EPYC: variants seen among roughly 807,000 people sequenced by gnomAD.
EPYC encodes the protein epiphycan.
A neutral mutation model predicts 30.1 loss-of-function variants in EPYC; 28 were observed. The observed-to-expected ratio is 0.93, with a 90% confidence interval of 0.69 to 1.28. EPYC has a LOEUF of 1.28. EPYC is among the 50% of genes most tolerant of loss of function. The pLI is 0.00. For synonymous variants in EPYC, 144 were observed against 141.4 expected (o/e 1.02, Z -0.13); for missense variants, 382 against 383.5 (o/e 1.00, Z 0.03).
chr12:90,998,491 A>G (rs1877747905), intron 2 of EPYC, among the ~76,000 whole-genome samples: 1 of 152,094 alleles, frequency 6.6e-6, no homozygotes, highest in Admixed American at 6.6e-5. Context: ...TCAAACACAA[A>G]TAATTTAATG....
chr12:90,987,037 G>A (rs893670147), intron 2 of EPYC, among the ~76,000 whole-genome samples: 2 of 152,084 alleles, frequency 1.3e-5, no homozygotes, highest in South Asian at 4.1e-4. Flanking sequence ...TTAAATGATT[G>A]TTTTGTGTAT....
At chr12:90,972,763 T>TA in intron 4 of EPYC, 59 bp downstream of exon 4, 1 of 1,425,292 alleles carries the variant, frequency 7.0e-7, no homozygotes, top group Non-Finnish European at 9.5e-7. Context: ...CATTTAACAA[T>TA]GTAAAAATTT....
In EPYC at chr12:90,964,303, G is replaced by C. The variant is rs142875982; in HGVS notation, c.822C>G (p.His274Gln). ...TTTTAACATTGCAGAACGTATCTTC[G>C]TGCATTTCCAGAATGTTGTTATTCT... The part of the protein sequence containing the change: ...HLQNNNILEM[H>Q]EDTFCNVKNL... Residue 274 changes from histidine to glutamine, a missense_variant, in exon 7 of 7, where the codon CAC (histidine) becomes CAG (glutamine). By Grantham distance (24) the His-to-Gln change is conservative (BLOSUM62 0). Transcript: ENST00000261172. 1.4e-5 allele frequency: 23 copies of C among 1,607,010 alleles called. No homozygotes were observed. The African/African-American group carries it at 1.7e-4, about 12-fold the overall frequency.
intron 2 of EPYC, among the ~76,000 whole-genome samples, chr12:90,991,941 T>A (rs186668394): frequency 3.9e-5 from 6 of 152,216 alleles, no homozygotes; most frequent in Admixed American, 3.9e-4. Flanking sequence ...ATGTGGTAAG[T>A]TTTTTACTAG....
At chr12:90,988,455 A>G (rs1240006381) in intron 2 of EPYC, among the ~76,000 whole-genome samples, 1 of 152,162 alleles carries the variant, frequency 6.6e-6, no homozygotes, top group Non-Finnish European at 1.5e-5. Context: ...AAAATGAACC[A>G]TTCAGTCCAG....
intron 6 of EPYC, 148 bp downstream of exon 6, chr12:90,969,896 G>C (rs1270476635): frequency 1.5e-6 from 1 of 646,662 alleles, no homozygotes; most frequent in Non-Finnish European, 2.8e-6. Flanking sequence ...CTCAGATAAA[G>C]AGAGAGAATA....
At chr12:90,964,407 C>G in intron 6 of EPYC, 81 bp from the exon 7 acceptor site, 1 of 980,924 alleles carries the variant, frequency 1.0e-6, no homozygotes. Flanking sequence ...TGTGCTTCAC[C>G]CTTGTTTTTA....
intron 2 of EPYC, among the ~76,000 whole-genome samples, chr12:90,996,892 G>T (rs143499201): frequency 1.3e-5 from 2 of 151,858 alleles, no homozygotes; most frequent in South Asian, 2.1e-4. Context: ...AACAACATAT[G>T]GTAATACTTT....
At chr12:91,000,588 AT>A (rs550297858) in intron 2 of EPYC, among the ~76,000 whole-genome samples, 3 of 151,018 alleles carry the variant, frequency 2.0e-5, no homozygotes, top group East Asian at 2.0e-4. Flanking sequence ...CCCAAACAGC[AT>A]TTTTTTTTCT....
intron 5 of EPYC, among the ~76,000 whole-genome samples, chr12:90,971,163 A>G (rs895644601): frequency 6.6e-6 from 1 of 152,112 alleles, no homozygotes; most frequent in African/African-American, 2.4e-5. Flanking sequence ...TGATCAATAC[A>G]GATTCTCTGG....
At chr12:90,965,817 C>A (rs7964309) in intron 6 of EPYC, among the ~76,000 whole-genome samples, 109,444 of 151,808 alleles carry the variant, frequency 0.72, 41,366 homozygotes, top group Non-Finnish European at 0.83. Flanking sequence ...TGTGTTGTAG[C>A]TTTAAGTATA....
chr12:90,985,904 T>C (rs1877437466), intron 2 of EPYC, among the ~76,000 whole-genome samples: 1 of 152,068 alleles, frequency 6.6e-6, no homozygotes, highest in Non-Finnish European at 1.5e-5. Flanking sequence ...TGGTGTGGCT[T>C]TCTCAGTGTT....
At chr12:90,992,492 T>C (rs773948163) in intron 2 of EPYC, among the ~76,000 whole-genome samples, 9 of 152,170 alleles carry the variant, frequency 5.9e-5, no homozygotes, top group Non-Finnish European at 1.3e-4. Flanking sequence ...TGAAAATACA[T>C]GCTCACTAGA....
intron 3 of EPYC, among the ~76,000 whole-genome samples, chr12:90,976,255 T>C (rs1877175891): frequency 6.6e-6 from 1 of 152,124 alleles, no homozygotes; most frequent in African/African-American, 2.4e-5. Context: ...TGCTATATCA[T>C]ACTATTCATA....
chr12:90,982,198 T>G (rs562071703), intron 2 of EPYC, among the ~76,000 whole-genome samples: 1 of 152,152 alleles, frequency 6.6e-6, no homozygotes, highest in African/African-American at 2.4e-5. Flanking sequence ...TATCCTCTCT[T>G]AGCTGGAATA....
intron 5 of EPYC, 57 bp from the exon 6 acceptor site, chr12:90,970,196 A>C: frequency 1.6e-6 from 2 of 1,237,956 alleles, no homozygotes; most frequent in Non-Finnish European, 2.4e-6. Context: ...CTCAATAAGA[A>C]ATAAAAAACA....
intron 3 of EPYC, among the ~76,000 whole-genome samples, chr12:90,973,693 A>G (rs1362156795): frequency 6.6e-6 from 1 of 152,172 alleles, no homozygotes; most frequent in Non-Finnish European, 1.5e-5. Flanking sequence ...GAAGCAGCAT[A>G]TGCCTTCACT....
At chr12:90,975,010 A>T (rs981042741) in intron 3 of EPYC, among the ~76,000 whole-genome samples, 1 of 152,110 alleles carries the variant, frequency 6.6e-6, no homozygotes, top group Non-Finnish European at 1.5e-5. Context: ...ACAAACCAGG[A>T]TATTTGATCA....
intron 6 of EPYC, among the ~76,000 whole-genome samples, chr12:90,967,629 G>A (rs1876931272): frequency 6.6e-6 from 1 of 152,096 alleles, no homozygotes; most frequent in Non-Finnish European, 1.5e-5. Flanking sequence ...TTTCAGTGTT[G>A]TCCAAGTTTT....
Sources: gnomAD v4.1 joint callset for allele counts (sites outside exome capture counted in the v4.1 genomes callset) on GRCh38, gnomAD v4.1.1 for gene constraint, MANE v1.5 for transcripts, NCBI Gene and HGNC (gene_info 2026-07-23, HGNC 2026-07-21) for gene names.